The following TSPAN11 variants were observed in gnomAD, a reference collection of about 807,000 sequenced individuals.
TSPAN11 encodes tetraspanin 11.
Under a neutral mutation model 32.9 loss-of-function variants are expected in TSPAN11, and 29 were observed. That is an observed-to-expected ratio of 0.88 (90% CI 0.66 to 1.20). TSPAN11 has a LOEUF of 1.20. Ranked by LOEUF, TSPAN11 falls within the 50% of genes most tolerant of loss-of-function variation. The probability of loss-of-function intolerance (pLI) is 0.00; values close to 1 mark genes in which losing one functional copy is unlikely to be tolerated. For missense variants in TSPAN11, 283 were observed against 329.1 expected, an observed-to-expected ratio of 0.86 and a Z score of 1.08; for synonymous variants, 140 against 141.3, an observed-to-expected ratio of 0.99 and a Z score of 0.07.
Position 30,975,181 on chromosome 12 carries a change from T to G in TSPAN11, c.277-3380T>G, listed in dbSNP as rs554107069. Among the ~76,000 whole-genome samples, 5 of 151,442 alleles carry G rather than the reference T, an allele frequency of 3.3e-5. No homozygotes were observed. In the South Asian group the frequency reaches 1.0e-3, roughly 32 times the overall value. On this transcript the variant is annotated intron_variant, in intron 3 of 7. Transcript: ENST00000546076. The surrounding 1 kb of genome is among the most constrained non-coding windows in gnomAD (Gnocchi z 4.5). ...AGATGATCGCGCCGGACCCAGGGAG[T>G]CAGGAAAGGCTGGGTAAGGTGCAGG...
the TSPAN11 span, among the ~76,000 whole-genome samples, chr12:31,009,026 G>A: frequency 5.6e-4 from 86 of 152,314 alleles, no homozygotes; most frequent in South Asian, 3.5e-3. Context: ...CAATCGCTGT[G>A]TTAGACGAGC....
At chr12:30,937,314 A>G (rs1404373223) in intron 1 of TSPAN11, among the ~76,000 whole-genome samples, 3 of 152,170 alleles carry the variant, frequency 2.0e-5, no homozygotes, top group Non-Finnish European at 2.9e-5. Flanking sequence ...AACAGTATGC[A>G]TGGTCATTAG....
At chr12:30,973,536 C>T (rs947724859) in intron 3 of TSPAN11, among the ~76,000 whole-genome samples, 2 of 152,180 alleles carry the variant, frequency 1.3e-5, no homozygotes, top group African/African-American at 4.8e-5. Context: ...GAAAACCTGC[C>T]TGCCCTCTCC....
intron 2 of TSPAN11, among the ~76,000 whole-genome samples, chr12:30,957,157 C>T (rs1395060453): frequency 1.3e-5 from 2 of 151,632 alleles, no homozygotes; most frequent in African/African-American, 4.8e-5. Flanking sequence ...ACCTTCCAGG[C>T]TTGCCATCTA....
intron 3 of TSPAN11, among the ~76,000 whole-genome samples, chr12:30,968,879 G>A (rs2140296639): frequency 6.6e-6 from 1 of 152,330 alleles, no homozygotes; most frequent in Middle Eastern, 3.4e-3. Context: ...ATGGGCTCGG[G>A]TTCAAAAGCT....
At chr12:30,930,119 T>G (rs182436135) in intron 1 of TSPAN11, among the ~76,000 whole-genome samples, 13 of 152,050 alleles carry the variant, frequency 8.5e-5, no homozygotes, top group African/African-American at 3.1e-4. Flanking sequence ...CTGCTCTTGC[T>G]GACTCTGGTG....
intron 1 of TSPAN11, among the ~76,000 whole-genome samples, chr12:30,953,408 T>C (rs2140284131): frequency 6.6e-6 from 1 of 152,224 alleles, no homozygotes; most frequent in African/African-American, 2.4e-5. Flanking sequence ...CAGAGGCTCT[T>C]GTGCTTCTTC....
chr12:30,985,563 G>C (rs554826891), intron 7 of TSPAN11, among the ~76,000 whole-genome samples: 1 of 152,228 alleles, frequency 6.6e-6, no homozygotes, highest in South Asian at 2.1e-4. Flanking sequence ...GTGGGAACAG[G>C]AGAAGGTACG....
intron 1 of TSPAN11, among the ~76,000 whole-genome samples, chr12:30,942,837 G>A (rs1938194289): frequency 6.6e-6 from 1 of 152,134 alleles, no homozygotes; most frequent in Non-Finnish European, 1.5e-5. Context: ...GAGTTCTACT[G>A]CACCATCCAT....
the TSPAN11 span, among the ~76,000 whole-genome samples, chr12:31,002,463 C>G: frequency 6.6e-6 from 1 of 152,194 alleles, no homozygotes; most frequent in East Asian, 1.9e-4. This position sits in a 1 kb window ranked among gnomAD's most constrained non-coding sequence, Gnocchi z 4.8. Flanking sequence ...GTGACTGTGA[C>G]AGCCAAGGAA....
At chr12:30,948,253 A>C (rs1227074490) in intron 1 of TSPAN11, among the ~76,000 whole-genome samples, 1 of 152,132 alleles carries the variant, frequency 6.6e-6, no homozygotes, top group Admixed American at 6.5e-5. Flanking sequence ...TGGTGGATCT[A>C]CCATTCTGGG....
At chr12:30,958,473 C>T (rs1175643414) in intron 2 of TSPAN11, among the ~76,000 whole-genome samples, 4 of 151,928 alleles carry the variant, frequency 2.6e-5, no homozygotes, top group Non-Finnish European at 4.4e-5. Context: ...CTGGAGAGCT[C>T]GGCATTTTGG....
intron 2 of TSPAN11, among the ~76,000 whole-genome samples, chr12:30,959,345 G>A (rs1938563240): frequency 6.6e-6 from 1 of 152,138 alleles, no homozygotes; most frequent in African/African-American, 2.4e-5. Flanking sequence ...GCCTTAGAGG[G>A]TGTGTAGGAG....
intron 1 of TSPAN11, among the ~76,000 whole-genome samples, chr12:30,945,635 C>A (rs1310328345): frequency 6.6e-6 from 1 of 151,990 alleles, no homozygotes; most frequent in Non-Finnish European, 1.5e-5. Context: ...TGGGCCCTTT[C>A]TACATGTCCC....
intron 1 of TSPAN11, among the ~76,000 whole-genome samples, chr12:30,938,608 G>A (rs1435775669): frequency 2.0e-5 from 3 of 152,130 alleles, no homozygotes; most frequent in Non-Finnish European, 4.4e-5. Flanking sequence ...CATTCTCATG[G>A]GTCTCAACCA....
At position 30,951,014 on chromosome 12, in the gene TSPAN11, TCA is replaced by T. The variant is rs574188779; in HGVS notation, c.-11-2964_-11-2963del. ...AGTATTAAGTGAGGGATAAATAAAT[TCA>T]CAATCATAGTGGGAGTCTGTAATAT... On this transcript the variant is annotated intron_variant, in intron 1 of 7. Coordinates refer to ENST00000546076, the MANE Select transcript of TSPAN11 (RefSeq NM_001370302.1). Among the ~76,000 whole-genome samples, 4 of 152,298 alleles carry T rather than the reference TCA, an allele frequency of 2.6e-5. No individual in the cohort carries two copies. In the South Asian group the frequency reaches 8.3e-4, roughly 32 times the overall value.
chr12:30,973,271 G>A (rs1440187944), intron 3 of TSPAN11, among the ~76,000 whole-genome samples: 1 of 152,192 alleles, frequency 6.6e-6, no homozygotes, highest in African/African-American at 2.4e-5. Context: ...TCGTGCCCAT[G>A]TGGCAATGTG....
downstream of TSPAN11, among the ~76,000 whole-genome samples, chr12:31,000,052 A>C (rs1422273192): frequency 6.6e-6 from 1 of 152,226 alleles, no homozygotes; most frequent in Non-Finnish European, 1.5e-5. Context: ...AGGCTGTCTC[A>C]TGGCTGTCAT....
Position 30,954,184 on chromosome 12 carries a change from T to A in TSPAN11, c.84+109T>A, listed in dbSNP as rs1235106023. The A allele has an allele frequency of 7.7e-6, 6 of 779,328 alleles. No homozygotes were observed. In the African/African-American group the frequency reaches 1.0e-4, roughly 13 times the overall value. 48.3% of individuals were successfully genotyped at this position (779,328 alleles called of 1,614,324 possible). A position where few individuals can be genotyped will look rare whatever the true frequency, so the allele number is the denominator to read the frequency against. ...AGGTTGATATCTTCCAAATCAAAGA[T>A]CAACGATCAACCATGGGTGAATTCT... On this transcript the variant is annotated intron_variant, in intron 2 of 7. Transcript: ENST00000546076.
Sources: allele counts gnomAD v4.1 joint callset (sites outside exome capture counted in the v4.1 genomes callset), GRCh38; gene constraint gnomAD v4.1.1; non-coding constraint Gnocchi (gnomAD v3.1); transcripts MANE v1.5; gene names NCBI Gene and HGNC (gene_info 2026-07-23, HGNC 2026-07-21).